Variants in NKAIN2 observed in about 807,000 individuals in gnomAD.
The protein encoded by NKAIN2 is sodium/potassium transporting ATPase interacting 2, also known as sodium/potassium-transporting ATPase subunit beta-1-interacting protein 2.
Under a neutral mutation model 32.6 loss-of-function variants are expected in NKAIN2, and 14 were observed. The ratio of observed to expected loss-of-function variants is 0.43; its 90% CI spans 0.28 to 0.67. The LOEUF is 0.67. Among genes scored for constraint, NKAIN2 ranks in the 30% least tolerant of loss-of-function variants. The pLI is 0.17. For missense variants in NKAIN2, 198 were observed against 258.3 expected (o/e 0.77, Z 1.60); for synonymous variants, 80 against 87.2 (o/e 0.92, Z 0.46).
chr6:124,671,479 A>T (rs1773097942), intron 4 of NKAIN2, among the ~76,000 whole-genome samples: 1 of 152,038 alleles, frequency 6.6e-6, no homozygotes, highest in Admixed American at 6.6e-5. Context: ...AAACTCATAC[A>T]CTTGGCTTAC....
chr6:124,607,761 C>T (rs915934517), intron 3 of NKAIN2, among the ~76,000 whole-genome samples: 1 of 151,812 alleles, frequency 6.6e-6, no homozygotes, highest in Non-Finnish European at 1.5e-5. Flanking sequence ...GATTTTTTAC[C>T]TTTACAATGG....
At chr6:124,417,982 C>A (rs1261129469) in intron 3 of NKAIN2, among the ~76,000 whole-genome samples, 1 of 152,176 alleles carries the variant, frequency 6.6e-6, no homozygotes, top group Non-Finnish European at 1.5e-5. Flanking sequence ...ATTCCCCATT[C>A]TTAACTGTGT....
At chr6:124,769,923 T>C (rs1228761163) in intron 4 of NKAIN2, among the ~76,000 whole-genome samples, 1 of 152,170 alleles carries the variant, frequency 6.6e-6, no homozygotes, top group Non-Finnish European at 1.5e-5. Context: ...GAGGGAGGAA[T>C]AGTGTGTATA....
chr6:124,718,931 CATA>C (rs1442507639), intron 4 of NKAIN2, among the ~76,000 whole-genome samples: 1 of 151,962 alleles, frequency 6.6e-6, no homozygotes, highest in Non-Finnish European at 1.5e-5. Flanking sequence ...AACTACAATT[CATA>C]ATATTTGTTA....
chr6:124,330,455 G>A (rs1797607711), intron 2 of NKAIN2, among the ~76,000 whole-genome samples: 1 of 152,150 alleles, frequency 6.6e-6, no homozygotes, highest in Admixed American at 6.5e-5. Context: ...CTGAAGCTGG[G>A]CTAGTCTTTC....
chr6:124,428,506 A>G (rs1326139621), intron 3 of NKAIN2, among the ~76,000 whole-genome samples: 1 of 152,174 alleles, frequency 6.6e-6, no homozygotes, highest in Admixed American at 6.6e-5. Flanking sequence ...ATATAAAGGG[A>G]TGTTATAAAT....
intron 3 of NKAIN2, among the ~76,000 whole-genome samples, chr6:124,506,287 C>T (rs1241958687): frequency 6.6e-6 from 1 of 152,118 alleles, no homozygotes; most frequent in African/African-American, 2.4e-5. Flanking sequence ...GTTATTCTGG[C>T]CTTTTTATAT....
At chr6:124,194,620 AT>A (rs1174722088) in intron 1 of NKAIN2, among the ~76,000 whole-genome samples, 2 of 151,612 alleles carry the variant, frequency 1.3e-5, no homozygotes, top group East Asian at 1.9e-4. Context: ...TTATTTTATG[AT>A]TTTTTTATAT....
At chr6:124,144,949 G>A (rs1787326485) in intron 1 of NKAIN2, among the ~76,000 whole-genome samples, 1 of 152,140 alleles carries the variant, frequency 6.6e-6, no homozygotes, top group South Asian at 2.1e-4. Flanking sequence ...ATACAGTCCA[G>A]TTAGAAAACA....
At chr6:124,685,415 C>T (rs1773822275) in intron 4 of NKAIN2, among the ~76,000 whole-genome samples, 2 of 152,150 alleles carry the variant, frequency 1.3e-5, no homozygotes, top group African/African-American at 4.8e-5. Context: ...TTGCTCAAGA[C>T]TGACCACTAA....
At chr6:124,708,899 G>A (rs1326906716) in intron 4 of NKAIN2, among the ~76,000 whole-genome samples, 22 of 145,678 alleles carry the variant, frequency 1.5e-4, no homozygotes, top group African/African-American at 5.4e-4. Flanking sequence ...GTGAGAGAGG[G>A]CATCCCTGTC....
chr6:123,821,799 A>G (rs765533), intron 1 of NKAIN2, among the ~76,000 whole-genome samples: 63,031 of 151,974 alleles, frequency 0.41, 14,506 homozygotes, highest in African/African-American at 0.62. Flanking sequence ...CTTGAATATG[A>G]GTATGAATAA....
At chr6:124,191,759 T>A (rs1055169001) in intron 1 of NKAIN2, among the ~76,000 whole-genome samples, 1 of 152,206 alleles carries the variant, frequency 6.6e-6, no homozygotes, top group African/African-American at 2.4e-5. Flanking sequence ...AAGTGTGTCC[T>A]ATCTACTCAT....
chr6:124,482,668 A>G (rs530325275), intron 3 of NKAIN2, among the ~76,000 whole-genome samples: 2 of 152,378 alleles, frequency 1.3e-5, no homozygotes, highest in Admixed American at 1.3e-4. Context: ...AGACTTTTCT[A>G]TACTTAAAAA....
intron 1 of NKAIN2, among the ~76,000 whole-genome samples, chr6:124,262,019 G>A (rs2753139): frequency 0.35 from 52,496 of 151,630 alleles, 11,266 homozygotes; most frequent in African/African-American, 0.6. Flanking sequence ...CTGAAAATTT[G>A]CGTGTGCCAC....
intron 3 of NKAIN2, among the ~76,000 whole-genome samples, chr6:124,500,196 G>A (rs1778229818): frequency 6.6e-6 from 1 of 152,166 alleles, no homozygotes; most frequent in Non-Finnish European, 1.5e-5. Context: ...AAATGAGTTA[G>A]GAGCCAAGTT....
At chr6:124,749,416 C>T (rs1157849547) in intron 4 of NKAIN2, among the ~76,000 whole-genome samples, 3 of 151,730 alleles carry the variant, frequency 2.0e-5, no homozygotes, top group Non-Finnish European at 2.9e-5. Flanking sequence ...AGGGGATGGA[C>T]GTATTTGGGG....
chr6:124,497,328 C>T (rs564750915), intron 3 of NKAIN2, among the ~76,000 whole-genome samples: 268 of 152,194 alleles, frequency 1.8e-3, no homozygotes, highest in Middle Eastern at 3.4e-3. Flanking sequence ...AAATTGCATT[C>T]GGCTAGCCAT....
intron 3 of NKAIN2, among the ~76,000 whole-genome samples, chr6:124,649,854 A>T (rs1178829094): frequency 2.0e-5 from 3 of 152,214 alleles, no homozygotes; most frequent in Non-Finnish European, 4.4e-5. Flanking sequence ...ACTAAAGAAG[A>T]AAAATTACAA....
Sources: allele counts gnomAD v4.1 joint callset (sites outside exome capture counted in the v4.1 genomes callset), GRCh38; gene constraint gnomAD v4.1.1; transcripts MANE v1.5; gene names NCBI Gene and HGNC (gene_info 2026-07-23, HGNC 2026-07-21).